Variants in CRB1 observed in about 807,000 individuals in gnomAD.
CRB1 encodes crumbs cell polarity complex component 1.
In CRB1, 83 loss-of-function variants were observed where a neutral mutation model predicts 120.0. The ratio of observed to expected loss-of-function variants is 0.69; its 90% confidence interval spans 0.58 to 0.83. The LOEUF is 0.83. Among genes scored for constraint, CRB1 ranks in the 40% least tolerant of loss-of-function variants. The pLI is 0.00. For missense variants in CRB1, 1,699 were observed against 1,687.6 expected, an observed-to-expected ratio of 1.01 and a Z score of -0.12; for synonymous variants, 625 against 612.5, an observed-to-expected ratio of 1.02 and a Z score of -0.30.
intron 5 of CRB1, among the ~76,000 whole-genome samples, chr1:197,370,983 C>T (rs545701026): frequency 1.1e-4 from 17 of 152,170 alleles, no homozygotes; most frequent in Non-Finnish European, 2.4e-4. Flanking sequence ...GCCTTATTAT[C>T]GCTGATAACC....
intron 1 of CRB1, among the ~76,000 whole-genome samples, chr1:197,318,434 T>C (rs562337139): frequency 1.3e-5 from 2 of 152,282 alleles, no homozygotes; most frequent in South Asian, 4.1e-4. Context: ...AAAATATTAA[T>C]AGTTTAGAGT....
chr1:197,429,889 T>G (rs1664793314), intron 8 of CRB1, among the ~76,000 whole-genome samples: 1 of 152,250 alleles, frequency 6.6e-6, no homozygotes, highest in Non-Finnish European at 1.5e-5. Context: ...AGGCAATATT[T>G]GAATTTCCTT....
intron 1 of CRB1, among the ~76,000 whole-genome samples, chr1:197,308,397 C>T (rs1224188327): frequency 6.6e-6 from 1 of 152,162 alleles, no homozygotes; most frequent in Non-Finnish European, 1.5e-5. Context: ...CAAACCTGCA[C>T]ATGTACTCCC....
chr1:197,261,369 A>T, the CRB1 span, among the ~76,000 whole-genome samples: 4 of 152,254 alleles, frequency 2.6e-5, no homozygotes, highest in African/African-American at 9.6e-5. Flanking sequence ...TCCCAGAAAA[A>T]TGAAATCATT....
rs1661877611 is a variant in CRB1, at chr1:197,380,185, T to C, written c.1171+23172T>C. Among the ~76,000 whole-genome samples the C allele has an allele frequency of 2.0e-5, 3 of 152,318 alleles. No homozygotes were observed. The South Asian group carries it at 6.2e-4, about 32-fold the overall frequency. On this transcript the variant is annotated intron_variant, in intron 5 of 11. Coordinates refer to ENST00000367400, the MANE Select transcript of CRB1 (RefSeq NM_201253.3). ...TAGAGTCACCTATGAGACAATAGTCTGGAATATTATCAAAAGTTTTGGCAA... is the reference window on the plus strand; with the variant it reads ...TAGAGTCACCTATGAGACAATAGTCCGGAATATTATCAAAAGTTTTGGCAA...
chr1:197,476,664 G>C (rs1667211598), intron 11 of CRB1, among the ~76,000 whole-genome samples: 1 of 151,958 alleles, frequency 6.6e-6, no homozygotes, highest in South Asian at 2.1e-4. Flanking sequence ...AGAGACTAAG[G>C]ATAGAAAAGA....
rs1161887575 is a variant in CRB1 at position 197,404,416 on chromosome 1, T to C, written c.1172-16584T>C. ...GAGATCCCGCCACTGCACTCCAGCC[T>C]GGGCGACAGAGCGAGACTCCGTCTC... On this transcript the variant is annotated intron_variant, in intron 5 of 11. Transcript: ENST00000367400. Among the ~76,000 whole-genome samples, 4 of 116,272 alleles carry C rather than the reference T, an allele frequency of 3.4e-5. No homozygotes were observed. In the East Asian group the frequency reaches 1.1e-3, roughly 31 times the overall value. The allele number at this position is 116,272 out of a possible 152,430, so 76.3% of individuals were successfully genotyped here.
chr1:197,464,310 G>A (rs575069757), intron 11 of CRB1, among the ~76,000 whole-genome samples: 1 of 152,266 alleles, frequency 6.6e-6, no homozygotes, highest in African/African-American at 2.4e-5. Context: ...CACTGAGCAC[G>A]TTTGGAGAAT....
chr1:197,287,979 A>G (rs367594117), intron 1 of CRB1, among the ~76,000 whole-genome samples: 1 of 151,804 alleles, frequency 6.6e-6, no homozygotes, highest in Non-Finnish European at 1.5e-5. Flanking sequence ...GAAAACAAAC[A>G]AGGTGAGCCC....
At chr1:197,267,505 T>A (rs1271018746), upstream of CRB1, among the ~76,000 whole-genome samples, 1 of 152,180 alleles carries the variant, frequency 6.6e-6, no homozygotes, top group Non-Finnish European at 1.5e-5. Flanking sequence ...AAATTGCATT[T>A]TAAAGTGTAA....
At chr1:197,415,641 C>CTTTTTTTTTTTTTTTT (rs55654070) in intron 5 of CRB1, among the ~76,000 whole-genome samples, 1 of 94,012 alleles carries the variant, frequency 1.1e-5, no homozygotes, top group Non-Finnish European at 1.9e-5. Context: ...TTTTTCTTTT[C>CTTTTTTTTTTTTTTTT]TTTTTTTTTT....
chr1:197,398,120 C>A (rs1231186883), intron 5 of CRB1, among the ~76,000 whole-genome samples: 1 of 152,114 alleles, frequency 6.6e-6, no homozygotes, highest in Non-Finnish European at 1.5e-5. Flanking sequence ...TTGCAAAATT[C>A]ATCCTCAGTT....
intron 5 of CRB1, among the ~76,000 whole-genome samples, chr1:197,390,200 G>A (rs895002608): frequency 3.3e-5 from 5 of 150,692 alleles, no homozygotes; most frequent in South Asian, 2.1e-4. Context: ...GGGGTGGGGC[G>A]GGAAATATAC....
chr1:197,283,688 A>C (rs1156890493), intron 1 of CRB1, among the ~76,000 whole-genome samples: 1 of 151,828 alleles, frequency 6.6e-6, no homozygotes, highest in East Asian at 1.9e-4. Context: ...TTTAATAGCA[A>C]TTATCACTGG....
chr1:197,478,140 A>G lies in CRB1; in HGVS notation c.*261A>G, dbSNP rs747349828. The G allele has an allele frequency of 9.9e-5, 48 of 486,796 alleles. No homozygotes were observed. Among genetic ancestry groups the G allele is most frequent in the Non-Finnish European group, 1.6e-4 (43 of 267,450 alleles). 30.2% of individuals were successfully genotyped at this position (486,796 alleles called of 1,614,324 possible). Reference sequence around the variant, plus strand: ...TAATTAGCAAAAACATCTTCCAGAGAATAAAGTCTTCTGTGGCTTTAGTGG... The same window carrying G: ...TAATTAGCAAAAACATCTTCCAGAGGATAAAGTCTTCTGTGGCTTTAGTGG... On this transcript the variant is annotated 3_prime_UTR_variant, in exon 12 of 12. Transcript: ENST00000367400.
At chr1:197,453,785 T>C (rs942728098) in intron 11 of CRB1, among the ~76,000 whole-genome samples, 2 of 143,790 alleles carry the variant, frequency 1.4e-5, no homozygotes, top group African/African-American at 5.1e-5. Flanking sequence ...ATTATTATTA[T>C]ATTATTAATA....
At chr1:197,442,477 G>T in intron 11 of CRB1, 185 bp downstream of exon 11, 1 of 1,516,644 alleles carries the variant, frequency 6.6e-7, no homozygotes, top group South Asian at 1.3e-5. Context: ...GAAATGCCTT[G>T]ATTCATTTTA....
chr1:197,257,734 C>T, the CRB1 span, among the ~76,000 whole-genome samples: 1 of 152,132 alleles, frequency 6.6e-6, no homozygotes, highest in Non-Finnish European at 1.5e-5. Context: ...TTTTCCATGT[C>T]TGTTCATAAC....
chr1:197,253,064 C>CACATGTA, the CRB1 span, among the ~76,000 whole-genome samples: 1 of 152,040 alleles, frequency 6.6e-6, no homozygotes, highest in Non-Finnish European at 1.5e-5. Context: ...ATGAAATTAA[C>CACATGTA]CATCATAACT....
Sources: allele counts gnomAD v4.1 joint callset (sites outside exome capture counted in the v4.1 genomes callset), GRCh38; gene constraint gnomAD v4.1.1; transcripts MANE v1.5; gene names NCBI Gene and HGNC (gene_info 2026-07-23, HGNC 2026-07-21).